The following PALLD variants were observed in gnomAD, a reference collection of about 807,000 sequenced individuals.
The protein encoded by PALLD is palladin, cytoskeletal associated protein, also known as palladin.
PALLD carries 61 observed loss-of-function variants against 123.5 expected under a neutral mutation model. That is an observed-to-expected ratio of 0.49 (90% CI 0.40 to 0.61). The LOEUF is 0.61. Ranked by LOEUF, PALLD falls within the 20% of genes least tolerant of loss-of-function variation. PALLD has a pLI of 0.00. For missense variants in PALLD, 1,273 were observed against 1,377.0 expected (o/e 0.92, Z 1.20); for synonymous variants, 465 against 496.4 (o/e 0.94, Z 0.84).
At chr4:168,913,571 C>CT (rs2151403091) in intron 15 of PALLD, among the ~76,000 whole-genome samples, 1 of 152,210 alleles carries the variant, frequency 6.6e-6, no homozygotes, top group African/African-American at 2.4e-5. Flanking sequence ...TCACAAGAGA[C>CT]TGATGTCCTC....
At chr4:168,728,508 A>G (rs1054941467) in intron 10 of PALLD, among the ~76,000 whole-genome samples, 2 of 152,128 alleles carry the variant, frequency 1.3e-5, no homozygotes, top group Admixed American at 6.5e-5. Context: ...CAGTGTGGAC[A>G]TTACTGGTGT....
intron 10 of PALLD, among the ~76,000 whole-genome samples, chr4:168,768,440 T>A (rs890884971): frequency 6.6e-6 from 1 of 152,202 alleles, no homozygotes; most frequent in Non-Finnish European, 1.5e-5. Flanking sequence ...AAGGTCAAGA[T>A]GAAGGATAGA....
At chr4:168,872,717 T>A (rs1484570135) in intron 10 of PALLD, among the ~76,000 whole-genome samples, 2 of 113,682 alleles carry the variant, frequency 1.8e-5, no homozygotes, top group Non-Finnish European at 3.7e-5. Context: ...GATTGGGATT[T>A]ATATACCTTT....
chr4:168,608,959 G>A (rs1773464428), intron 2 of PALLD, among the ~76,000 whole-genome samples: 2 of 150,662 alleles, frequency 1.3e-5, no homozygotes, highest in South Asian at 4.2e-4. Flanking sequence ...TCCAGTTCAT[G>A]TTTCAACACA....
intron 2 of PALLD, among the ~76,000 whole-genome samples, chr4:168,664,444 C>T (rs143924474): frequency 5.3e-5 from 8 of 152,230 alleles, no homozygotes; most frequent in East Asian, 1.9e-4. Flanking sequence ...CTTCAGCAAC[C>T]GCATATGGCA....
At chr4:168,536,900 T>A (rs1242224038) in intron 2 of PALLD, among the ~76,000 whole-genome samples, 2 of 151,532 alleles carry the variant, frequency 1.3e-5, no homozygotes, top group East Asian at 3.9e-4. Flanking sequence ...CGATCTCGGC[T>A]CACTGCAAGC....
chr4:168,910,922 T>G (rs1758812200), intron 15 of PALLD, among the ~76,000 whole-genome samples: 1 of 152,138 alleles, frequency 6.6e-6, no homozygotes, highest in Non-Finnish European at 1.5e-5. Context: ...TATATTCACA[T>G]GGAAATTCTT....
At chr4:168,526,606 G>C (rs959619922) in intron 2 of PALLD, among the ~76,000 whole-genome samples, 1 of 152,130 alleles carries the variant, frequency 6.6e-6, no homozygotes, top group Admixed American at 6.5e-5. Context: ...ACACAATTTA[G>C]TTTTCCTTTC....
chr4:168,664,337 T>TA (rs1779416039), intron 2 of PALLD, among the ~76,000 whole-genome samples: 1 of 152,218 alleles, frequency 6.6e-6, no homozygotes, highest in Non-Finnish European at 1.5e-5. Flanking sequence ...AAATATACCT[T>TA]AATACTGGCA....
At chr4:168,618,923 T>G (rs1453648202) in intron 2 of PALLD, among the ~76,000 whole-genome samples, 1 of 152,226 alleles carries the variant, frequency 6.6e-6, no homozygotes, top group Non-Finnish European at 1.5e-5. Flanking sequence ...CTGTAACACT[T>G]TCAGGCTTCT....
At chr4:168,691,207 T>A (rs1381532769) in intron 7 of PALLD, 62 bp from the exon 8 acceptor site, 18 of 1,234,328 alleles carry the variant, frequency 1.5e-5, no homozygotes, top group East Asian at 2.3e-5. Flanking sequence ...AGGTTTTTTT[T>A]AATTAAATGG....
intron 10 of PALLD, among the ~76,000 whole-genome samples, chr4:168,755,244 A>G (rs1442260141): frequency 6.6e-6 from 1 of 152,028 alleles, no homozygotes; most frequent in Non-Finnish European, 1.5e-5. Flanking sequence ...AAAAAAAAAA[A>G]AAAAAAAGGG....
intron 3 of PALLD, among the ~76,000 whole-genome samples, chr4:168,678,498 C>T (rs928084498): frequency 6.6e-6 from 1 of 152,022 alleles, no homozygotes; most frequent in Admixed American, 6.6e-5. Flanking sequence ...CTGGGCTGAC[C>T]GTGGAAGATA....
intron 10 of PALLD, among the ~76,000 whole-genome samples, chr4:168,871,257 G>A (rs1056510218): frequency 3.3e-5 from 5 of 152,110 alleles, no homozygotes; most frequent in Non-Finnish European, 5.9e-5. Flanking sequence ...GAAAAGTTGG[G>A]GAAACATTAA....
chr4:168,785,320 A>G (rs981782228), intron 10 of PALLD, among the ~76,000 whole-genome samples: 2 of 152,124 alleles, frequency 1.3e-5, no homozygotes, highest in African/African-American at 2.4e-5. Context: ...AGTGAATCAC[A>G]GTCCTTGTTC....
At chr4:168,921,799 T>C in intron 18 of PALLD, 58 bp downstream of exon 18, 1 of 1,311,996 alleles carries the variant, frequency 7.6e-7, no homozygotes, top group Middle Eastern at 2.6e-4. Context: ...CTTACAAATG[T>C]AAACTAATTC....
intron 14 of PALLD, 38 bp downstream of exon 14, chr4:168,898,752 C>G (rs1424719948): frequency 7.2e-7 from 1 of 1,388,788 alleles, no homozygotes; most frequent in South Asian, 1.2e-5. Context: ...GAGTCATTCT[C>G]TGAGGAAAGG....
At chr4:168,907,511 T>C (rs2151346009) in intron 15 of PALLD, among the ~76,000 whole-genome samples, 1 of 152,234 alleles carries the variant, frequency 6.6e-6, no homozygotes, top group East Asian at 1.9e-4. Flanking sequence ...GTGGAGGAGC[T>C]GTGAGCTAGA....
chr4:168,632,410 T>C (rs978925901), intron 2 of PALLD, among the ~76,000 whole-genome samples: 4 of 152,356 alleles, frequency 2.6e-5, no homozygotes, highest in South Asian at 2.1e-4. Context: ...GGAAACACTT[T>C]GTTTCTCACA....
Sources: gnomAD v4.1 joint callset for allele counts (sites outside exome capture counted in the v4.1 genomes callset) on GRCh38, gnomAD v4.1.1 for gene constraint, MANE v1.5 for transcripts, NCBI Gene and HGNC (gene_info 2026-07-23, HGNC 2026-07-21) for gene names.